Variants in NFE2L2 observed in about 807,000 individuals in gnomAD.
NFE2L2 encodes the protein nuclear factor erythroid 2-related factor 2.
NFE2L2 carries 20 observed loss-of-function variants against 49.6 expected under a neutral mutation model. The ratio of observed to expected loss-of-function variants is 0.40; its 90% CI spans 0.28 to 0.59. NFE2L2 has a LOEUF of 0.59. Ranked by LOEUF, NFE2L2 falls within the 20% of genes least tolerant of loss-of-function variation. The probability of loss-of-function intolerance (pLI) is 0.40; values close to 1 mark genes in which losing one functional copy is unlikely to be tolerated. For missense variants in NFE2L2, 578 were observed against 714.2 expected (o/e 0.81, Z 2.17); for synonymous variants, 244 against 256.5 (o/e 0.95, Z 0.47).
rs1310201129 is a variant in NFE2L2, at chr2:177,232,314, G to A, written c.594+78C>T. On this transcript the variant is annotated intron_variant, in intron 4 of 4. Transcript: ENST00000397062. Reference sequence around the variant, plus strand: ...ACCCTCCAATCCTTCCTATAAATAGGTGGTATATAAATAATCAGAATGACT... The same window carrying A: ...ACCCTCCAATCCTTCCTATAAATAGATGGTATATAAATAATCAGAATGACT... 20 of 1,312,514 alleles carry A rather than the reference G, an allele frequency of 1.5e-5. No individual in the cohort carries two copies. In the East Asian group the frequency reaches 2.0e-4, roughly 13 times the overall value. The allele number at this position is 1,312,514 out of a possible 1,614,324, so 81.3% of individuals were successfully genotyped here. A position where few individuals can be genotyped will look rare whatever the true frequency, so the allele number is the denominator to read the frequency against.
chr2:177,258,774 C>T (rs1055850686), intron 1 of NFE2L2, among the ~76,000 whole-genome samples: 1 of 152,164 alleles, frequency 6.6e-6, no homozygotes, highest in African/African-American at 2.4e-5. Context: ...GAGGAGGCAT[C>T]AAAGCCTAAG....
chr2:177,232,361 A>G (rs1461872614), intron 4 of NFE2L2, 31 bp downstream of exon 4: 2 of 1,574,468 alleles, frequency 1.3e-6, no homozygotes, highest in East Asian at 4.5e-5. Flanking sequence ...ATATAAAAAA[A>G]ATCTCCAGTA....
intron 1 of NFE2L2, 173 bp downstream of exon 1, chr2:177,264,359 C>T: frequency 3.5e-6 from 2 of 578,544 alleles, no homozygotes; most frequent in Non-Finnish European, 5.6e-6. Context: ...GTCCCCGCTG[C>T]CCCTCCCCGC....
chr2:177,247,596 G>A (rs1690177446), intron 1 of NFE2L2, among the ~76,000 whole-genome samples: 1 of 151,536 alleles, frequency 6.6e-6, no homozygotes, highest in Non-Finnish European at 1.5e-5. Flanking sequence ...AGGAGGCGGA[G>A]GTTATGGTGA....
chr2:177,240,595 A>G (rs890545673), intron 1 of NFE2L2, among the ~76,000 whole-genome samples: 1 of 152,238 alleles, frequency 6.6e-6, no homozygotes, highest in African/African-American at 2.4e-5. Flanking sequence ...TTAAATCACC[A>G]TCTGGCCTAA....
At chr2:177,244,209 G>A (rs930896288) in intron 1 of NFE2L2, among the ~76,000 whole-genome samples, 1 of 151,774 alleles carries the variant, frequency 6.6e-6, no homozygotes, top group African/African-American at 2.4e-5. Flanking sequence ...GCTGAGGCAG[G>A]AGAATCGCTT....
At chr2:177,260,150 AAG>A (rs1269237059) in intron 1 of NFE2L2, among the ~76,000 whole-genome samples, 1 of 152,230 alleles carries the variant, frequency 6.6e-6, no homozygotes. Context: ...TAGATGATCA[AAG>A]AATAAACTCT....
At chr2:177,249,318 A>T (rs917987623) in intron 1 of NFE2L2, among the ~76,000 whole-genome samples, 2 of 152,174 alleles carry the variant, frequency 1.3e-5, no homozygotes, top group Non-Finnish European at 2.9e-5. Flanking sequence ...TTTCCAAGTA[A>T]AACCAGGATC....
In NFE2L2 at chr2:177,263,404, C is replaced by T. The variant is rs1335658857; in HGVS notation, c.45+1128G>A. ...CTAATCTACACTCGCAACTCTTACC[C>T]TTGACAGCACAGAAGAGAATATCCC... On this transcript the variant is annotated intron_variant, in intron 1 of 4. Transcript: ENST00000397062. 1.2e-5 allele frequency: 12 copies of T among 985,494 alleles called. No individual in the cohort carries two copies. In the East Asian group the frequency reaches 1.0e-3, roughly 84 times the overall value. 61.0% of individuals were successfully genotyped at this position (985,494 alleles called of 1,614,324 possible).
intron 1 of NFE2L2, among the ~76,000 whole-genome samples, chr2:177,255,344 G>T (rs1374347467): frequency 6.6e-6 from 1 of 152,172 alleles, no homozygotes; most frequent in Non-Finnish European, 1.5e-5. Flanking sequence ...CTGCCCTAAG[G>T]ATTTCACCAA....
chr2:177,242,432 C>G (rs969620528), intron 1 of NFE2L2, among the ~76,000 whole-genome samples: 5 of 152,200 alleles, frequency 3.3e-5, no homozygotes, highest in Non-Finnish European at 5.9e-5. Flanking sequence ...CAAATACACA[C>G]AAAGACGTAT....
At chr2:177,240,404 C>T (rs928376264) in intron 1 of NFE2L2, among the ~76,000 whole-genome samples, 2 of 152,142 alleles carry the variant, frequency 1.3e-5, no homozygotes, top group Non-Finnish European at 2.9e-5. Flanking sequence ...AAGGGCCATG[C>T]GAGCACTGGC....
chr2:177,247,684 CAA>C (rs57701650), intron 1 of NFE2L2, among the ~76,000 whole-genome samples: 43 of 56,282 alleles, frequency 7.6e-4, no homozygotes, highest in Non-Finnish European at 8.5e-4. Context: ...CCCCACCCCG[CAA>C]AAAAAAAAAA....
intron 1 of NFE2L2, among the ~76,000 whole-genome samples, chr2:177,237,927 C>T (rs1364134313): frequency 6.6e-6 from 1 of 152,100 alleles, no homozygotes; most frequent in Non-Finnish European, 1.5e-5. Context: ...AGCTATCTGC[C>T]CAAGCAAGGT....
chr2:177,230,856 G>A lies in NFE2L2; in HGVS notation c.1747C>T (p.Leu583=). Residue 583 remains leucine, a synonymous_variant, in exon 5 of 5, where the codon CTG becomes TTG. Transcript: ENST00000397062. ...GKPYSPSEYS[L]QQTRDGNVFL... ...ACATTGCCATCTCTTGTTTGCTGCA[G>A]GGAGTATTCACTAGGAGAATAAGGT... The A allele has an allele frequency of 6.2e-7, 1 of 1,609,962 alleles. No individual in the cohort carries two copies. The highest frequency in any genetic ancestry group is 8.5e-7 in the Non-Finnish European group (1 of 1,178,952).
rs2105451937 is a variant in NFE2L2, at chr2:177,231,243, G to A, written c.1360C>T (p.Leu454Phe). The A allele has an allele frequency of 6.2e-7, 1 of 1,614,250 alleles. No individual in the cohort carries two copies. Among genetic ancestry groups the A allele is most frequent in the Non-Finnish European group, 8.5e-7 (1 of 1,180,052 alleles). Residue 454 changes from leucine to phenylalanine, a missense_variant, in exon 5 of 5, where the codon CTC becomes TTC. Leu to Phe is a conservative substitution (Grantham distance 22). Around this residue, in one of 3 missense-constraint regions of NFE2L2, gnomAD observed 368 missense variants for 384.6 expected, o/e 0.96. Coordinates refer to ENST00000397062, the MANE Select transcript of NFE2L2 (RefSeq NM_006164.5). ...DKHSSRLEAHLTRDELRAKAL... is the reference protein window; with the variant it reads ...DKHSSRLEAHFTRDELRAKAL... ...TTTGCCCTAAGTTCATCTCTTGTGA[G>A]ATGAGCCTCCAAGCGGCTTGAATGT...
intron 1 of NFE2L2, among the ~76,000 whole-genome samples, chr2:177,235,053 G>A (rs923997602): frequency 4.6e-5 from 7 of 151,528 alleles, no homozygotes; most frequent in Admixed American, 3.3e-4. Context: ...GGAGGCAGAG[G>A]TTGCAGTCAG....
At chr2:177,251,306 T>G (rs544145784) in intron 1 of NFE2L2, among the ~76,000 whole-genome samples, 1 of 152,276 alleles carries the variant, frequency 6.6e-6, no homozygotes. Context: ...TCAGTTCCTG[T>G]TTGGATTTAG....
intron 1 of NFE2L2, among the ~76,000 whole-genome samples, chr2:177,242,480 AT>A (rs1249999448): frequency 1.3e-5 from 2 of 152,192 alleles, no homozygotes; most frequent in African/African-American, 2.4e-5. Context: ...CAAATTTACC[AT>A]TCCCTGAGTT....
Sources: allele counts gnomAD v4.1 joint callset (sites outside exome capture counted in the v4.1 genomes callset), GRCh38; gene constraint gnomAD v4.1.1; regional missense constraint gnomAD v4.1.1; transcripts MANE v1.5; gene names NCBI Gene and HGNC (gene_info 2026-07-23, HGNC 2026-07-21).